The following CSMD1 variants were observed in gnomAD, a reference collection of about 807,000 sequenced individuals.
CSMD1 encodes the protein CUB and Sushi multiple domains 1.
Under a neutral mutation model 417.5 loss-of-function variants are expected in CSMD1, and 213 were observed. That is an observed-to-expected ratio of 0.51 (90% CI 0.46 to 0.57). The LOEUF is 0.57. CSMD1 is among the 20% of genes least tolerant of loss of function. The pLI, the probability that CSMD1 is intolerant of heterozygous loss-of-function variation, is 0.00. For synonymous variants in CSMD1, 2,862 were observed against 1,736.8 expected (o/e 1.65, Z -16.11); for missense variants, 6,923 against 4,529.7 (o/e 1.53, Z -15.17).
At chr8:4,283,434 G>A (rs535137391) in intron 3 of CSMD1, among the ~76,000 whole-genome samples, 14 of 152,190 alleles carry the variant, frequency 9.2e-5, no homozygotes, top group South Asian at 4.2e-4. Context: ...CTGGGTACAG[G>A]ATTTCCAAAT....
chr8:3,854,244 AG>A, intron 5 of CSMD1, among the ~76,000 whole-genome samples: 1 of 150,776 alleles, frequency 6.6e-6, no homozygotes, highest in East Asian at 1.9e-4. Flanking sequence ...TTAAAATCTC[AG>A]GAGTAATACA....
chr8:4,761,279 G>C (rs192483869), intron 1 of CSMD1, among the ~76,000 whole-genome samples: 1 of 152,060 alleles, frequency 6.6e-6, no homozygotes, highest in Non-Finnish European at 1.5e-5. Context: ...AGCATGGTCA[G>C]TGTAAAATGC....
chr8:3,003,975 A>C (rs1373214467), intron 52 of CSMD1, among the ~76,000 whole-genome samples: 2 of 152,206 alleles, frequency 1.3e-5, no homozygotes, highest in Admixed American at 6.5e-5. Context: ...AGCTTAGTAC[A>C]TAGTAGGTGT....
intron 5 of CSMD1, among the ~76,000 whole-genome samples, chr8:3,812,640 C>G (rs1472330446): frequency 1.3e-5 from 2 of 152,120 alleles, no homozygotes; most frequent in African/African-American, 2.4e-5. Flanking sequence ...AAATCTGTAT[C>G]CTAGCCACAG....
rs564683419 is a variant in CSMD1, at chr8:4,566,469, A to C, written c.302+70873T>G. The stretch of plus-strand genomic sequence containing the variant: ...GAGAACGAGACCATCCTGGCTAACA[A>C]GGTGAAACCCCGTCTCTACTAAAAA... On this transcript the variant is annotated intron_variant, in intron 2 of 69. Transcript: ENST00000635120. 4.6e-5 allele frequency among the ~76,000 whole-genome samples: 7 copies of C among 151,622 alleles called. No individual in the cohort carries two copies. The East Asian group carries it at 5.9e-4, about 13-fold the overall frequency.
At chr8:4,705,014 T>G (rs1807831089) in intron 1 of CSMD1, among the ~76,000 whole-genome samples, 1 of 152,222 alleles carries the variant, frequency 6.6e-6, no homozygotes, top group Non-Finnish European at 1.5e-5. Flanking sequence ...CCTGTAATTT[T>G]GGATCATGGT....
intron 2 of CSMD1, among the ~76,000 whole-genome samples, chr8:4,539,209 T>C (rs1797257561): frequency 6.6e-6 from 1 of 152,230 alleles, no homozygotes; most frequent in Non-Finnish European, 1.5e-5. Context: ...ATTTGAGGTT[T>C]GCCACTGCCA....
rs192410794 is a variant in CSMD1, at chr8:4,202,982, A to G, written c.416-170883T>C. The stretch of plus-strand genomic sequence containing the variant: ...GGAGGAGAACGATTACCTCCACCAA[A>G]GATGTCTGCATCGTAATTCCCAGAA... On this transcript the variant is annotated intron_variant, in intron 3 of 69. Transcript: ENST00000635120. 3.5e-3 allele frequency among the ~76,000 whole-genome samples: 531 copies of G among 152,256 alleles called. 2 individuals carry two copies. The highest frequency in any genetic ancestry group is 6.1e-3 in the Non-Finnish European group (413 of 68,016).
In CSMD1 at chr8:3,142,661, C is replaced by G; in HGVS notation, c.6045G>C (p.Gln2015His). Residue 2015 changes from glutamine (Q) to histidine (H), a missense_variant, in exon 41 of 70, where the codon CAG (glutamine) becomes CAC (histidine). Transcript: ENST00000635120. ...TAGCTTCGGTAGAAAAATTCAGAAA[C>G]TGAATATGTGCACCTATGGAAAAAC... ...SLPIGYGAHI[Q>H]FLNFSTEANH... is the part of the protein sequence containing the mutation. 6.2e-7 allele frequency: 1 copy of G among 1,612,902 alleles called. No homozygotes were observed. Among genetic ancestry groups the G allele is most frequent in the Non-Finnish European group, 8.5e-7 (1 of 1,178,916 alleles).
At chr8:3,313,621 C>T (rs375321686) in intron 23 of CSMD1, among the ~76,000 whole-genome samples, 3 of 152,258 alleles carry the variant, frequency 2.0e-5, no homozygotes, top group Middle Eastern at 3.4e-3. Flanking sequence ...CAGGAAACAA[C>T]AGGTGCTGGA....
At chr8:4,322,940 G>C (rs980954212) in intron 3 of CSMD1, among the ~76,000 whole-genome samples, 1 of 152,136 alleles carries the variant, frequency 6.6e-6, no homozygotes, top group African/African-American at 2.4e-5. Context: ...AGCCTAGATC[G>C]TGCCCCTGCA....
intron 1 of CSMD1, among the ~76,000 whole-genome samples, chr8:4,766,914 G>C (rs1351398039): frequency 1.3e-5 from 2 of 152,022 alleles, no homozygotes; most frequent in African/African-American, 4.8e-5. Flanking sequence ...TTGAAGATTA[G>C]GCCCTATTAA....
chr8:3,543,332 C>T (rs1405500438), intron 10 of CSMD1, among the ~76,000 whole-genome samples: 1 of 152,142 alleles, frequency 6.6e-6, no homozygotes, highest in African/African-American at 2.4e-5. Flanking sequence ...GGTGAAAAGT[C>T]ACTGGGGATT....
intron 1 of CSMD1, among the ~76,000 whole-genome samples, chr8:4,991,607 T>A (rs982328170): frequency 6.6e-6 from 1 of 152,198 alleles, no homozygotes; most frequent in African/African-American, 2.4e-5. Context: ...GGAGCGCTCC[T>A]CCCCGGGAAA....
chr8:4,981,360 T>C (rs1810879208), intron 1 of CSMD1, among the ~76,000 whole-genome samples: 1 of 152,334 alleles, frequency 6.6e-6, no homozygotes, highest in South Asian at 2.1e-4. Flanking sequence ...AAACATCTGA[T>C]AATTTAGAAT....
At chr8:3,521,500 C>G (rs1270532134) in intron 10 of CSMD1, among the ~76,000 whole-genome samples, 2 of 152,152 alleles carry the variant, frequency 1.3e-5, no homozygotes, top group Non-Finnish European at 2.9e-5. Flanking sequence ...TCATGCCGGT[C>G]CCTGTATTAC....
chr8:4,417,994 A>G (rs1797040080), intron 3 of CSMD1, among the ~76,000 whole-genome samples: 1 of 152,048 alleles, frequency 6.6e-6, no homozygotes, highest in Non-Finnish European at 1.5e-5. Flanking sequence ...TAAGACTATA[A>G]TTGATAATTT....
chr8:3,121,262 TA>T (rs1169835534), intron 41 of CSMD1, among the ~76,000 whole-genome samples: 2 of 152,058 alleles, frequency 1.3e-5, no homozygotes, highest in African/African-American at 2.4e-5. Context: ...GTCAGCAGGT[TA>T]AAAAAAATCC....
intron 1 of CSMD1, among the ~76,000 whole-genome samples, chr8:4,975,304 G>C (rs916059401): frequency 6.6e-6 from 1 of 152,194 alleles, no homozygotes; most frequent in African/African-American, 2.4e-5. Flanking sequence ...CATTTGAAGA[G>C]AGACTGTAGA....
Sources: allele counts gnomAD v4.1 joint callset (sites outside exome capture counted in the v4.1 genomes callset), GRCh38; gene constraint gnomAD v4.1.1; transcripts MANE v1.5; gene names NCBI Gene and HGNC (gene_info 2026-07-23, HGNC 2026-07-21).